AXIN1: variants seen among roughly 807,000 people sequenced by gnomAD.
The protein encoded by AXIN1 is axin 1, also known as axin-1.
In AXIN1, 30 loss-of-function variants were observed where a neutral mutation model predicts 76.4. The ratio of observed to expected loss-of-function variants is 0.39; its 90% confidence interval spans 0.29 to 0.53. The LOEUF (loss-of-function observed/expected upper bound fraction) is 0.53. Among genes scored for constraint, AXIN1 ranks in the 20% least tolerant of loss-of-function variants. The pLI is 0.66. For missense variants in AXIN1, 1,140 were observed against 1,198.8 expected, an observed-to-expected ratio of 0.95 and a Z score of 0.72; for synonymous variants, 545 against 501.4, an observed-to-expected ratio of 1.09 and a Z score of -1.16.
rs1441961681 is a variant in AXIN1, at chr16:287,815, G to C, written c.*307C>G. On this transcript the variant is annotated 3_prime_UTR_variant, in exon 11 of 11. Coordinates refer to ENST00000262320, the MANE Select transcript of AXIN1 (RefSeq NM_003502.4). Reference sequence around the variant, plus strand: ...GATCCCAGCACACGTGCCCAAGGGAGGTGCCGGGGGATGGGGGGGGGTCAC... The same window carrying C: ...GATCCCAGCACACGTGCCCAAGGGACGTGCCGGGGGATGGGGGGGGGTCAC... 3 of 499,240 alleles carry C rather than the reference G, an allele frequency of 6.0e-6. No individual in the cohort carries two copies. Among genetic ancestry groups the C allele is most frequent in the Non-Finnish European group, 1.1e-5 (3 of 272,404 alleles). The allele number at this position is 499,240 out of a possible 1,614,324, so 30.9% of individuals were successfully genotyped here. A position where few individuals can be genotyped will look rare whatever the true frequency, so the allele number is the denominator to read the frequency against.
rs1381252008 is a variant in AXIN1 at position 347,001 on chromosome 16, G to A, written c.25C>T (p.Pro9Ser). The A allele has an allele frequency of 1.2e-6, 2 of 1,614,216 alleles. No homozygotes were observed. The highest frequency in any genetic ancestry group is 1.7e-6 in the Non-Finnish European group (2 of 1,180,046). MNIQEQGF[P>S]LDLGASFTED... is the part of the protein sequence containing the mutation. ...GTGAAACTTGCTCCGAGGTCCAAGG[G>A]GAAACCCTGCTCTTGGATATTCATT... Residue 9 changes from proline to serine, a missense_variant, in exon 2 of 11, where the codon CCC becomes TCC. By Grantham distance (74) the Pro-to-Ser change is moderately conservative (BLOSUM62 -1). Around this residue, in one of 3 missense-constraint regions of AXIN1, gnomAD observed 708 missense variants for 776.9 expected, o/e 0.91. Coordinates refer to ENST00000262320, the MANE Select transcript of AXIN1 (RefSeq NM_003502.4).
At chr16:296,954 C>T (rs747385430) in intron 7 of AXIN1, 102 bp downstream of exon 7, 265 of 1,414,210 alleles carry the variant, frequency 1.9e-4, no homozygotes, top group Middle Eastern at 3.5e-4. Context: ...GCGTCACAGG[C>T]GACACTCGCC....
At chr16:322,673 G>T (rs915957257) in intron 2 of AXIN1, among the ~76,000 whole-genome samples, 1 of 152,228 alleles carries the variant, frequency 6.6e-6, no homozygotes, top group African/African-American at 2.4e-5. Context: ...GAGTCCCACA[G>T]AGCCACTGAG....
chr16:326,984 T>C (rs1326848024), intron 2 of AXIN1, among the ~76,000 whole-genome samples: 2 of 149,328 alleles, frequency 1.3e-5, no homozygotes, highest in African/African-American at 2.5e-5. Context: ...ACTAAAAATA[T>C]AAAAAAAATT....
Position 293,433 on chromosome 16 carries a change from G to T in AXIN1, c.2186+55C>A. ...CAGGCCTCGGGGAGCTTCAGCCCCAGGAGTGGTGCTGTGGTAACCCCCAAG... is the reference window on the plus strand; with the variant it reads ...CAGGCCTCGGGGAGCTTCAGCCCCATGAGTGGTGCTGTGGTAACCCCCAAG... On this transcript the variant is annotated intron_variant, in intron 8 of 10. Transcript: ENST00000262320. This position sits in a 1 kb window ranked among gnomAD's most constrained non-coding sequence, Gnocchi z 4.6. The T allele has an allele frequency of 6.5e-7, 1 of 1,548,192 alleles. No individual in the cohort carries two copies.
chr16:317,702 C>T (rs951566471), intron 2 of AXIN1, among the ~76,000 whole-genome samples: 3 of 152,230 alleles, frequency 2.0e-5, no homozygotes, highest in African/African-American at 7.2e-5. Flanking sequence ...ATGATACCAG[C>T]CTGCAGCTTC....
rs577709581 is a variant in AXIN1 at position 328,424 on chromosome 16, A to C, written c.879-13741T>G. Among the ~76,000 whole-genome samples the C allele has an allele frequency of 2.0e-5, 3 of 152,280 alleles. No individual in the cohort carries two copies. In the South Asian group the frequency reaches 6.2e-4, roughly 32 times the overall value. On this transcript the variant is annotated intron_variant, in intron 2 of 10. Transcript: ENST00000262320. ...AAATAATAATAATACAGCCAGGTGC[A>C]GTGGCTCACGCCTGTAATCCCAATA...
chr16:344,449 A>C (rs2053993831), intron 2 of AXIN1, among the ~76,000 whole-genome samples: 2 of 145,420 alleles, frequency 1.4e-5, no homozygotes, highest in South Asian at 2.3e-4. Flanking sequence ...AAAAAAATTA[A>C]CCAATTAACC....
chr16:325,981 G>A (rs2053571568), intron 2 of AXIN1, among the ~76,000 whole-genome samples: 1 of 151,946 alleles, frequency 6.6e-6, no homozygotes, highest in South Asian at 2.1e-4. Context: ...GTTCACACCG[G>A]CATGGAGAGG....
In AXIN1 at chr16:288,173, G is replaced by A. The variant is rs2141459390; in HGVS notation, c.2538C>T (p.Val846=). Residue 846 remains valine (V), a synonymous_variant, in exon 11 of 11, where the codon GTC becomes GTT. Coordinates refer to ENST00000262320, the MANE Select transcript of AXIN1 (RefSeq NM_003502.4). The part of the protein sequence containing the change: ...VFEEVREDEA[V]LPVFEEKIIG... Reference sequence around the variant, plus strand: ...TGATCTTCTCCTCAAAGACGGGCAGGACGGCCTCGTCCTCTCGAACCTCCT... The same window carrying A: ...TGATCTTCTCCTCAAAGACGGGCAGAACGGCCTCGTCCTCTCGAACCTCCT... 2 of 1,613,690 alleles carry A rather than the reference G, an allele frequency of 1.2e-6. No homozygotes were observed. The highest frequency in any genetic ancestry group is 1.7e-6 in the Non-Finnish European group (2 of 1,180,008).
chr16:335,992 T>G (rs1008388615), intron 2 of AXIN1, among the ~76,000 whole-genome samples: 2 of 152,164 alleles, frequency 1.3e-5, no homozygotes, highest in Non-Finnish European at 2.9e-5. Flanking sequence ...CCTAGCACTT[T>G]GGGAGGCCAA....
intron 7 of AXIN1, among the ~76,000 whole-genome samples, chr16:294,932 C>T (rs1297933075): frequency 4.0e-5 from 6 of 149,828 alleles, no homozygotes; most frequent in African/African-American, 1.2e-4. Flanking sequence ...GGCGTGGTGG[C>T]GGGCGCCTGC....
In AXIN1 at chr16:305,700, T is replaced by C. The variant is rs143687790; in HGVS notation, c.1117-1259A>G. ...CTGGGACTACAGGCGCCTGCCACCA[T>C]GCCCGGCTAATTTTTTTGTATTTTT... On this transcript the variant is annotated intron_variant, in intron 4 of 10. Coordinates refer to ENST00000262320, the MANE Select transcript of AXIN1 (RefSeq NM_003502.4). 1.0e-2 allele frequency among the ~76,000 whole-genome samples: 1,514 copies of C among 151,974 alleles called. 15 individuals carry two copies. The highest frequency in any genetic ancestry group is 0.015 in the Non-Finnish European group (1,013 of 67,966).
In AXIN1 at chr16:291,308, AC is replaced by A. The variant is rs1212040618; in HGVS notation, c.2187-12del. 1.9e-6 allele frequency: 3 copies of A among 1,563,996 alleles called. No homozygotes were observed. The African/African-American group carries it at 4.0e-5, about 21-fold the overall frequency. Reference sequence around the variant, plus strand: ...ACCTCCTGCACATACCTAGGGAACAACCCGCGTCAAAGGTGGCTGTGCCGGC... The same window carrying A: ...ACCTCCTGCACATACCTAGGGAACAACCGCGTCAAAGGTGGCTGTGCCGGC... On this transcript the variant is annotated splice_polypyrimidine_tract_variant and intron_variant, in intron 8 of 10. Coordinates refer to ENST00000262320, the MANE Select transcript of AXIN1 (RefSeq NM_003502.4).
intron 5 of AXIN1, among the ~76,000 whole-genome samples, chr16:298,467 G>A (rs990228759): frequency 2.0e-5 from 3 of 152,216 alleles, no homozygotes; most frequent in Non-Finnish European, 2.9e-5. Context: ...GGAATGCAGC[G>A]TATGTATCGG....
At chr16:323,758 C>G (rs868799969) in intron 2 of AXIN1, among the ~76,000 whole-genome samples, 9 of 149,832 alleles carry the variant, frequency 6.0e-5, no homozygotes, top group African/African-American at 2.2e-4. Flanking sequence ...CCAGCCTGGG[C>G]AACAGAGTGA....
chr16:290,833 A>G (rs1468274292), intron 9 of AXIN1: 4 of 400,290 alleles, frequency 1.0e-5, no homozygotes, highest in African/African-American at 2.1e-5. Flanking sequence ...TGGTCAAGTC[A>G]GGCCTGGCAG....
intron 2 of AXIN1, among the ~76,000 whole-genome samples, chr16:329,752 T>C (rs1204719886): frequency 6.6e-6 from 1 of 151,924 alleles, no homozygotes; most frequent in Non-Finnish European, 1.5e-5. Flanking sequence ...GCCTCCCGAG[T>C]AGCTGGGACT....
At chr16:306,167 G>A (rs750449927) in intron 4 of AXIN1, among the ~76,000 whole-genome samples, 10 of 151,540 alleles carry the variant, frequency 6.6e-5, no homozygotes, top group Admixed American at 2.0e-4. Context: ...CCACACACAC[G>A]TACACACACA....
Sources: allele counts gnomAD v4.1 joint callset (sites outside exome capture counted in the v4.1 genomes callset), GRCh38; gene constraint gnomAD v4.1.1; regional missense constraint gnomAD v4.1.1; non-coding constraint Gnocchi (gnomAD v3.1); transcripts MANE v1.5; gene names NCBI Gene and HGNC (gene_info 2026-07-23, HGNC 2026-07-21).